The following NBEAL2 variants were observed in gnomAD, a reference collection of about 807,000 sequenced individuals.
The protein encoded by NBEAL2 is neurobeachin-like protein 2.
A neutral mutation model predicts 299.8 loss-of-function variants in NBEAL2; 160 were observed. The observed-to-expected ratio is 0.53, with a 90% CI of 0.47 to 0.61. The LOEUF (loss-of-function observed/expected upper bound fraction) is 0.61, where lower values mean the gene tolerates loss of function less well. Among genes scored for constraint, NBEAL2 ranks in the 20% least tolerant of loss-of-function variants. The probability of loss-of-function intolerance (pLI) is 0.00; values close to 1 mark genes in which losing one functional copy is unlikely to be tolerated. For synonymous variants in NBEAL2, 1,493 were observed against 1,542.3 expected, an observed-to-expected ratio of 0.97 and a Z score of 0.75; for missense variants, 3,112 against 3,649.0, an observed-to-expected ratio of 0.85 and a Z score of 3.79.
Position 47,002,807 on chromosome 3 carries a change from G to C in NBEAL2, c.5459+5G>C. ...ATGTGGGGCCTGGGCGCTGAGGTGG[G>C]CCGGGCTTGGGGCAGGGTCGCTGTG... On this transcript the variant is annotated splice_donor_5th_base_variant and intron_variant, in intron 33 of 53. Coordinates refer to ENST00000450053, the MANE Select transcript of NBEAL2 (RefSeq NM_015175.3). 1 of 1,552,508 alleles carries C rather than the reference G, an allele frequency of 6.4e-7. No homozygotes were observed. The highest frequency in any genetic ancestry group is 2.3e-5 in the East Asian group (1 of 42,740).
chr3:46,984,152 A>AT (rs2035540283), intron 1 of NBEAL2, among the ~76,000 whole-genome samples: 2 of 149,640 alleles, frequency 1.3e-5, no homozygotes, highest in South Asian at 2.1e-4. Flanking sequence ...AAAAAAAAAA[A>AT]AAAATTAGCC....
In NBEAL2 at chr3:46,991,657, G is replaced by A. The variant is rs987261332; in HGVS notation, c.894G>A (p.Glu298=). Residue 298 remains glutamate (E), a synonymous_variant, in exon 8 of 54, where the codon GAG becomes GAA. Transcript: ENST00000450053. This position sits in a 1 kb window ranked among gnomAD's most constrained non-coding sequence, Gnocchi z 6.2. Reference sequence around the variant, plus strand: ...CTGGTCTGAGCTCAGGCCCCGAAGAGGCCCTTGTCACCCTCCGGGTCAGCA... The same window carrying A: ...CTGGTCTGAGCTCAGGCCCCGAAGAAGCCCTTGTCACCCTCCGGGTCAGCA... ...WPAGLSSGPE[E]ALVTLRVSML... is the part of the protein sequence containing the mutation. 3.8e-6 allele frequency: 6 copies of A among 1,599,230 alleles called. No individual in the cohort carries two copies. The African/African-American group carries it at 6.7e-5, about 18-fold the overall frequency.
In NBEAL2 at chr3:47,004,968, C is replaced by T; in HGVS notation, c.6295-4C>T. Reference sequence around the variant, plus strand: ...ATGCAGCCCCTGCTCGGGTGGGTGGCCAGTTCCCCTGGGTCCTGCAGGACT... The same window carrying T: ...ATGCAGCCCCTGCTCGGGTGGGTGGTCAGTTCCCCTGGGTCCTGCAGGACT... On this transcript the variant is annotated splice_polypyrimidine_tract_variant and splice_region_variant and intron_variant, in intron 38 of 53. Coordinates refer to ENST00000450053, the MANE Select transcript of NBEAL2 (RefSeq NM_015175.3). The surrounding 1 kb of genome is among the most constrained non-coding windows in gnomAD (Gnocchi z 5.0). The T allele has an allele frequency of 6.2e-7, 1 of 1,604,144 alleles. No homozygotes were observed. The highest frequency in any genetic ancestry group is 2.3e-5 in the East Asian group (1 of 44,266).
intron 45 of NBEAL2, among the ~76,000 whole-genome samples, 199 bp downstream of exon 45, chr3:47,006,648 T>C (rs964366556): frequency 6.6e-6 from 1 of 152,174 alleles, no homozygotes; most frequent in African/African-American, 2.4e-5. Context: ...AAGTGTCGAC[T>C]CAACAAGCTC....
At chr3:47,009,198 C>T (rs762801452) in intron 53 of NBEAL2, 21 bp from the exon 54 acceptor site, 42 of 1,578,990 alleles carry the variant, frequency 2.7e-5, no homozygotes, top group Non-Finnish European at 3.6e-5. Flanking sequence ...GCTGATCCTA[C>T]TCAACCCTTA....
At chr3:46,992,768 G>C (rs2036203005) in intron 10 of NBEAL2, among the ~76,000 whole-genome samples, 1 of 152,210 alleles carries the variant, frequency 6.6e-6, no homozygotes, top group South Asian at 2.1e-4. Flanking sequence ...GTGTTTGATT[G>C]GGTGTTGGGG....
Position 47,003,359 on chromosome 3 carries a change from G to A in NBEAL2, c.5720+50G>A, listed in dbSNP as rs750214019. The A allele has an allele frequency of 6.3e-7, 1 of 1,588,258 alleles. No homozygotes were observed. Among genetic ancestry groups the A allele is most frequent in the Non-Finnish European group, 8.6e-7 (1 of 1,167,480 alleles). ...GACTGGTGTGGTGGGCAAGGGGTCT[G>A]CTCCAGTGTGTGCATGCCTCTGTGG... On this transcript the variant is annotated intron_variant, in intron 35 of 53. Transcript: ENST00000450053. This position sits in a 1 kb window ranked among gnomAD's most constrained non-coding sequence, Gnocchi z 7.0.
chr3:47,001,982 C>T lies in NBEAL2; in HGVS notation c.4845C>T (p.Arg1615=), dbSNP rs750726027. The change falls in exon 31 of 54, where the codon CGC becomes CGT. Residue 1615 remains arginine, a synonymous_variant. Transcript: ENST00000450053. This position sits in a 1 kb window ranked among gnomAD's most constrained non-coding sequence, Gnocchi z 6.1. ...MLLQTAVPAR[R]EEACYVLSKL... is the part of the protein sequence containing the mutation. ...TACAGACTGCAGTGCCAGCCCGCCG[C>T]GAGGAGGCCTGCTATGTGCTCTCCA... The T allele has an allele frequency of 2.5e-5, 41 of 1,607,864 alleles. No homozygotes were observed. Among genetic ancestry groups the T allele is most frequent in the Non-Finnish European group, 2.9e-5 (34 of 1,177,462 alleles).
chr3:47,004,326 C>T lies in NBEAL2; in HGVS notation c.6131C>T (p.Pro2044Leu). 1 of 1,610,552 alleles carries T rather than the reference C, an allele frequency of 6.2e-7. No individual in the cohort carries two copies. Among genetic ancestry groups the T allele is most frequent in the Non-Finnish European group, 8.5e-7 (1 of 1,177,736 alleles). The change falls in exon 37 of 54, where the codon CCC becomes CTC. Residue 2044 changes from proline to leucine, a missense_variant. Coordinates refer to ENST00000450053, the MANE Select transcript of NBEAL2 (RefSeq NM_015175.3). This position sits in a 1 kb window ranked among gnomAD's most constrained non-coding sequence, Gnocchi z 5.0. ...TACTCGTGGCTCCTGCGCCTACGGC[C>T]CCCCTCTCAAGGCTACCTAAGCAGC... ...QVYSWLLRLR[P>L]PSQGYLSSRS...
At position 46,991,642 on chromosome 3, in the gene NBEAL2, C is replaced by T. The variant is rs995878285; in HGVS notation, c.879C>T (p.Ser293=). ...ATGCTGACTGGCCAGCTGGTCTGAG[C>T]TCAGGCCCCGAAGAGGCCCTTGTCA... is the stretch of plus-strand genomic sequence containing the variant. The part of the protein sequence containing the change: ...VLNADWPAGL[S]SGPEEALVTL... Residue 293 remains serine (S), a synonymous_variant, in exon 8 of 54, where the codon AGC becomes AGT. Coordinates refer to ENST00000450053, the MANE Select transcript of NBEAL2 (RefSeq NM_015175.3). This position sits in a 1 kb window ranked among gnomAD's most constrained non-coding sequence, Gnocchi z 6.2. 1.3e-6 allele frequency: 2 copies of T among 1,599,576 alleles called. No individual in the cohort carries two copies. Among genetic ancestry groups the T allele is most frequent in the Admixed American group, 1.7e-5 (1 of 59,978 alleles).
rs146151084 is a variant in NBEAL2 at position 46,982,808 on chromosome 3, C to G, written c.51+2896C>G. On this transcript the variant is annotated intron_variant, in intron 1 of 53. Transcript: ENST00000450053. This position sits in a 1 kb window ranked among gnomAD's most constrained non-coding sequence, Gnocchi z 4.2. The stretch of plus-strand genomic sequence containing the variant: ...TTGGGGCAGGGCAGAGCTAGTCAAG[C>G]AGGCCTGGTGGACAGGTGGGGGCTC... Among the ~76,000 whole-genome samples, 122 of 152,206 alleles carry G rather than the reference C, an allele frequency of 8.0e-4. No individual in the cohort carries two copies. The East Asian group carries it at 0.023, about 29-fold the overall frequency.
intron 11 of NBEAL2, 134 bp downstream of exon 11, chr3:46,994,154 G>A: frequency 1.1e-6 from 1 of 902,048 alleles, no homozygotes; most frequent in Non-Finnish European, 1.7e-6. Flanking sequence ...GGAGGTGACT[G>A]CCCTGCCCTA....
In NBEAL2 at chr3:47,009,064, C is replaced by T. The variant is rs1355838540; in HGVS notation, c.8103C>T (p.His2701=). 2.6e-6 allele frequency: 4 copies of T among 1,547,194 alleles called. No individual in the cohort carries two copies. The highest frequency in any genetic ancestry group is 1.7e-4 in the Middle Eastern group (1 of 5,820). Residue 2701 remains histidine (H), a synonymous_variant, in exon 53 of 54, where the codon CAC becomes CAT. Transcript: ENST00000450053. ...RSVAVTKERS[H]VLVGLEDGKL... Reference sequence around the variant, plus strand: ...TGGCCGTGACCAAGGAGCGCAGCCACGTGCTGGTGGGCCTGGAGGATGGCA... The same window carrying T: ...TGGCCGTGACCAAGGAGCGCAGCCATGTGCTGGTGGGCCTGGAGGATGGCA...
In NBEAL2 at chr3:47,007,153, T is replaced by C; in HGVS notation, c.7222T>C (p.Leu2408=). The change falls in exon 46 of 54, where the codon TTG becomes CTG. Residue 2408 remains leucine (L), a splice_region_variant and synonymous_variant. Transcript: ENST00000450053. ...CATCACCCAGGGTTCCCCAGACCTG[T>C]TGGTAAGTGCATTGTGCAGAGCCCC... The part of the protein sequence containing the change: ...SFITQGSPDL[L]VTVSASGLLG... The C allele has an allele frequency of 6.2e-7, 1 of 1,613,630 alleles. No individual in the cohort carries two copies. Among genetic ancestry groups the C allele is most frequent in the Non-Finnish European group, 8.5e-7 (1 of 1,179,754 alleles).
chr3:47,005,109 G>T lies in NBEAL2; in HGVS notation c.6419+13G>T. 3 of 1,613,890 alleles carry T rather than the reference G, an allele frequency of 1.9e-6. No homozygotes were observed. In the South Asian group the frequency reaches 3.3e-5, roughly 18 times the overall value. On this transcript the variant is annotated intron_variant, in intron 39 of 53. Coordinates refer to ENST00000450053, the MANE Select transcript of NBEAL2 (RefSeq NM_015175.3). Reference sequence around the variant, plus strand: ...TCGTGAGGGAGAAGTGAGCATGTGGGCAGGGCTGGGCTCAGCGGGTAGGGA... The same window carrying T: ...TCGTGAGGGAGAAGTGAGCATGTGGTCAGGGCTGGGCTCAGCGGGTAGGGA...
In NBEAL2 at chr3:46,997,707, G is replaced by A; in HGVS notation, c.2958+13G>A. 1 of 1,503,582 alleles carries A rather than the reference G, an allele frequency of 6.7e-7. No homozygotes were observed. The highest frequency in any genetic ancestry group is 8.9e-7 in the Non-Finnish European group (1 of 1,123,400). The allele number at this position is 1,503,582 out of a possible 1,614,324, so 93.1% of individuals were successfully genotyped here. A position where few individuals can be genotyped will look rare whatever the true frequency, so the allele number is the denominator to read the frequency against. On this transcript the variant is annotated intron_variant, in intron 20 of 53. Coordinates refer to ENST00000450053, the MANE Select transcript of NBEAL2 (RefSeq NM_015175.3). Reference sequence around the variant, plus strand: ...CCTCCTGCGAAAGGTGGGGCCCGGTGGGACAGGCATGGGGGTTAGGGGTAT... The same window carrying A: ...CCTCCTGCGAAAGGTGGGGCCCGGTAGGACAGGCATGGGGGTTAGGGGTAT...
Position 47,003,885 on chromosome 3 carries a change from G to A in NBEAL2, c.5790G>A (p.Thr1930=), listed in dbSNP as rs201690208. ...LVLSAECQLV[T]VVAVVPGLLE... ...TGTCGGCCGAGTGCCAGCTGGTGAC[G>A]GTAGTGGCCGTGGTCCCAGGGCTGC... The change falls in exon 36 of 54, where the codon ACG becomes ACA. Residue 1930 remains threonine, a synonymous_variant. Coordinates refer to ENST00000450053, the MANE Select transcript of NBEAL2 (RefSeq NM_015175.3). This position sits in a 1 kb window ranked among gnomAD's most constrained non-coding sequence, Gnocchi z 7.0. The A allele has an allele frequency of 1.4e-5, 22 of 1,613,630 alleles. No individual in the cohort carries two copies. Among genetic ancestry groups the A allele is most frequent in the East Asian group, 6.7e-5 (3 of 44,862 alleles).
At position 46,995,320 on chromosome 3, in the gene NBEAL2, A is replaced by C. The variant is rs759580109; in HGVS notation, c.1585A>C (p.Arg529=). Residue 529 remains arginine, a synonymous_variant, in exon 13 of 54, where the codon AGG becomes CGG. Transcript: ENST00000450053. ...LLQALGRVSI[R]PMELRHLLRP... ...ACAAGCACTGGGCCGTGTATCAATAAGGCCCATGGAGCTGCGTCACCTGCT... is the reference window on the plus strand; with the variant it reads ...ACAAGCACTGGGCCGTGTATCAATACGGCCCATGGAGCTGCGTCACCTGCT... The C allele has an allele frequency of 6.3e-7, 1 of 1,594,018 alleles. No homozygotes were observed. The highest frequency in any genetic ancestry group is 1.1e-5 in the South Asian group (1 of 88,770).
Position 46,991,263 on chromosome 3 carries a change from C to A in NBEAL2, c.601C>A (p.Arg201Ser). ...CCACTTGCCTCCCATACTGCTGTTA[C>A]GTCTCATCCACCTCTTCTGCGCCGT... ...ADHLPPILLL[R>S]LIHLFCAVLA... Residue 201 changes from arginine to serine, a missense_variant, in exon 7 of 54, where the codon CGT becomes AGT. Coordinates refer to ENST00000450053, the MANE Select transcript of NBEAL2 (RefSeq NM_015175.3). This position sits in a 1 kb window ranked among gnomAD's most constrained non-coding sequence, Gnocchi z 6.2. The A allele has an allele frequency of 1.2e-6, 2 of 1,608,156 alleles. No homozygotes were observed. Among genetic ancestry groups the A allele is most frequent in the Non-Finnish European group, 1.7e-6 (2 of 1,177,192 alleles).
Sources: allele counts gnomAD v4.1 joint callset (sites outside exome capture counted in the v4.1 genomes callset), GRCh38; gene constraint gnomAD v4.1.1; non-coding constraint Gnocchi (gnomAD v3.1); transcripts MANE v1.5; gene names NCBI Gene and HGNC (gene_info 2026-07-23, HGNC 2026-07-21).